The following RTN4RL1 variants were observed in gnomAD, a reference collection of about 807,000 sequenced individuals.
RTN4RL1 encodes reticulon-4 receptor-like 1.
RTN4RL1 carries 7 observed loss-of-function variants against 25.6 expected under a neutral mutation model. The observed-to-expected ratio is 0.27, with a 90% CI of 0.16 to 0.51. RTN4RL1 has a LOEUF of 0.51. RTN4RL1 is among the 20% of genes least tolerant of loss of function. RTN4RL1 has a pLI of 0.97. For missense variants in RTN4RL1, 500 were observed against 615.6 expected, an observed-to-expected ratio of 0.81 and a Z score of 1.99; for synonymous variants, 297 against 288.2, an observed-to-expected ratio of 1.03 and a Z score of -0.31.
rs753664611 is a variant in RTN4RL1, at chr17:1,936,690, G to C, written c.1132C>G (p.Pro378Ala). Residue 378 changes from proline (P) to alanine (A), a missense_variant, in exon 2 of 2, where the codon CCA (proline) becomes GCA (alanine). Around this residue, in one of 2 missense-constraint regions of RTN4RL1, gnomAD observed 268 missense variants for 274.5 expected, o/e 0.98. Coordinates refer to ENST00000331238, the MANE Select transcript of RTN4RL1 (RefSeq NM_178568.4). ...AGAGKQAPEL[P>A]DYAPDYQHKF... Reference sequence around the variant, plus strand: ...TGCTGGTAGTCTGGGGCATAGTCTGGCAGCTCGGGGGCCTGTTTCCCGGCG... The same window carrying C: ...TGCTGGTAGTCTGGGGCATAGTCTGCCAGCTCGGGGGCCTGTTTCCCGGCG... 1 of 1,583,428 alleles carries C rather than the reference G, an allele frequency of 6.3e-7. No individual in the cohort carries two copies. The highest frequency in any genetic ancestry group is 1.2e-5 in the South Asian group (1 of 85,672).
intron 1 of RTN4RL1, among the ~76,000 whole-genome samples, chr17:2,002,004 A>AT (rs11457997): frequency 0.66 from 96,873 of 145,704 alleles, 32,246 homozygotes; most frequent in Middle Eastern, 0.71. Context: ...TGCTTAAAGG[A>AT]TTTTTTTTTT....
At chr17:1,985,684 C>T (rs2066884593) in intron 1 of RTN4RL1, among the ~76,000 whole-genome samples, 1 of 152,106 alleles carries the variant, frequency 6.6e-6, no homozygotes, top group Admixed American at 6.5e-5. Context: ...TACATTGTCA[C>T]AGTACAGGTG....
At chr17:1,964,748 T>TA (rs111923869) in intron 1 of RTN4RL1, among the ~76,000 whole-genome samples, 191 of 151,040 alleles carry the variant, frequency 1.3e-3, no homozygotes, top group African/African-American at 4.4e-3. Context: ...AAAATTTTTT[T>TA]AATTAATTTC....
chr17:2,011,493 G>T (rs543381320), intron 1 of RTN4RL1, among the ~76,000 whole-genome samples: 1 of 152,260 alleles, frequency 6.6e-6, no homozygotes, highest in Non-Finnish European at 1.5e-5. Context: ...ATGAAAGGCC[G>T]TGCTGGAGAG....
rs535095868 is a variant in RTN4RL1 at position 2,022,135 on chromosome 17, C to T, written c.13+2718G>A. On this transcript the variant is annotated intron_variant, in intron 1 of 1. Coordinates refer to ENST00000331238, the MANE Select transcript of RTN4RL1 (RefSeq NM_178568.4). ...TTTGAGACCAGCCTGGCCAACATGG[C>T]AAAACCCCATCTCTACTAAAAATAC... Among the ~76,000 whole-genome samples the T allele has an allele frequency of 1.1e-4, 16 of 151,848 alleles. No homozygotes were observed. The South Asian group carries it at 3.1e-3, about 30-fold the overall frequency.
intron 1 of RTN4RL1, among the ~76,000 whole-genome samples, chr17:1,992,269 G>C (rs1192576464): frequency 4.7e-5 from 7 of 150,178 alleles, no homozygotes; most frequent in Admixed American, 2.7e-4. Context: ...GGGGGCAGGA[G>C]AATGGCGTGA....
chr17:1,935,955 G>A lies in RTN4RL1; in HGVS notation c.*541C>T. The stretch of plus-strand genomic sequence containing the variant: ...AGGAATGAGAGGCGCTACCCCCGAG[G>A]GAGGGGCTGAAGGTGGAGTAGGATA... On this transcript the variant is annotated 3_prime_UTR_variant, in exon 2 of 2. Transcript: ENST00000331238. 1 of 985,802 alleles carries A rather than the reference G, an allele frequency of 1.0e-6. No individual in the cohort carries two copies. Among genetic ancestry groups the A allele is most frequent in the Non-Finnish European group, 1.2e-6 (1 of 830,036 alleles). 61.1% of individuals were successfully genotyped at this position (985,802 alleles called of 1,614,324 possible).
intron 1 of RTN4RL1, among the ~76,000 whole-genome samples, chr17:2,015,121 C>A (rs1225404199): frequency 1.3e-5 from 2 of 152,060 alleles, no homozygotes; most frequent in African/African-American, 4.8e-5. Context: ...GTGGCCTGGG[C>A]TCAGGTGGAG....
At chr17:1,940,873 C>G (rs1027573592) in intron 1 of RTN4RL1, among the ~76,000 whole-genome samples, 4 of 152,222 alleles carry the variant, frequency 2.6e-5, no homozygotes, top group Non-Finnish European at 5.9e-5. Flanking sequence ...ATGGTGTTCA[C>G]TGCTTCTCAT....
intron 1 of RTN4RL1, among the ~76,000 whole-genome samples, chr17:1,940,035 G>A (rs541790140): frequency 1.4e-4 from 21 of 152,296 alleles, no homozygotes. Context: ...TCCCGGCCTC[G>A]TGCCGCTGCC....
At chr17:1,941,386 G>A (rs1407361253) in intron 1 of RTN4RL1, among the ~76,000 whole-genome samples, 2 of 152,170 alleles carry the variant, frequency 1.3e-5, no homozygotes, top group African/African-American at 4.8e-5. Context: ...GAGAGCAGGG[G>A]TGGAGTGAAG....
At position 1,936,141 on chromosome 17, in the gene RTN4RL1, C is replaced by T. The variant is rs1005204064; in HGVS notation, c.*355G>A. The stretch of plus-strand genomic sequence containing the variant: ...ACGGGGCCCTCCAGACCTCTCGGAA[C>T]GATCGGGATTCCACAGAGCCCCGGT... On this transcript the variant is annotated 3_prime_UTR_variant, in exon 2 of 2. Transcript: ENST00000331238. 3.1e-5 allele frequency: 33 copies of T among 1,077,072 alleles called. No homozygotes were observed. Among genetic ancestry groups the T allele is most frequent in the African/African-American group, 1.3e-4 (8 of 59,846 alleles). 66.7% of individuals were successfully genotyped at this position (1,077,072 alleles called of 1,614,324 possible).
At chr17:1,939,369 A>C (rs150668950) in intron 1 of RTN4RL1, among the ~76,000 whole-genome samples, 4 of 151,570 alleles carry the variant, frequency 2.6e-5, no homozygotes, top group African/African-American at 9.7e-5. Context: ...TAAATAAATA[A>C]ATAAATAAAT....
chr17:1,967,071 C>T (rs3935866), intron 1 of RTN4RL1, among the ~76,000 whole-genome samples: 30,492 of 152,106 alleles, frequency 0.2, 3,323 homozygotes, highest in Middle Eastern at 0.28. Context: ...ACAGAAGAGG[C>T]TAAAGTGGGC....
chr17:1,978,484 G>T (rs1275567804), intron 1 of RTN4RL1, among the ~76,000 whole-genome samples: 1 of 152,268 alleles, frequency 6.6e-6, no homozygotes, highest in Non-Finnish European at 1.5e-5. Flanking sequence ...GAAGCGCCCA[G>T]GTGGGCTCTG....
At chr17:1,946,195 G>A (rs773389577) in intron 1 of RTN4RL1, among the ~76,000 whole-genome samples, 1 of 152,220 alleles carries the variant, frequency 6.6e-6, no homozygotes, top group Non-Finnish European at 1.5e-5. Context: ...AACCAGGACA[G>A]TCCCAAACAA....
intron 1 of RTN4RL1, among the ~76,000 whole-genome samples, chr17:2,016,883 G>A (rs1232740150): frequency 6.6e-6 from 1 of 152,180 alleles, no homozygotes. Flanking sequence ...CCTTCTCCCA[G>A]CTTGCTCAGA....
chr17:2,007,071 C>G (rs1405279671), intron 1 of RTN4RL1, among the ~76,000 whole-genome samples: 15 of 152,120 alleles, frequency 9.9e-5, no homozygotes, highest in Admixed American at 8.5e-4. Flanking sequence ...GCTGGGCAAG[C>G]TGCTGCAGCT....
In RTN4RL1 at chr17:2,025,078, G is replaced by T. The variant is rs2067254400; in HGVS notation, c.-213C>A. 2.4e-6 allele frequency: 1 copy of T among 420,036 alleles called. No individual in the cohort carries two copies. The highest frequency in any genetic ancestry group is 5.3e-5 in the South Asian group (1 of 18,998). 26.0% of individuals were successfully genotyped at this position (420,036 alleles called of 1,614,324 possible). On this transcript the variant is annotated 5_prime_UTR_variant, in exon 1 of 2. Transcript: ENST00000331238. This position sits in a 1 kb window ranked among gnomAD's most constrained non-coding sequence, Gnocchi z 4.8. The stretch of plus-strand genomic sequence containing the variant: ...ACCGGCGCCCGCAAGCAACCGTGGT[G>T]CTGCCCGGCAGCCCCGCGCGCTTGC...
Sources: allele counts gnomAD v4.1 joint callset (sites outside exome capture counted in the v4.1 genomes callset), GRCh38; gene constraint gnomAD v4.1.1; regional missense constraint gnomAD v4.1.1; non-coding constraint Gnocchi (gnomAD v3.1); transcripts MANE v1.5; gene names NCBI Gene and HGNC (gene_info 2026-07-23, HGNC 2026-07-21).